PGM3: variants seen among roughly 807,000 people sequenced by gnomAD.
The protein encoded by PGM3 is phosphoacetylglucosamine mutase.
PGM3 carries 40 observed loss-of-function variants against 66.2 expected under a neutral mutation model. The ratio of observed to expected loss-of-function variants is 0.60; its 90% CI spans 0.47 to 0.79. The LOEUF is 0.79. Among genes scored for constraint, PGM3 ranks in the 30% least tolerant of loss-of-function variants. The probability of loss-of-function intolerance (pLI) is 0.00; values close to 1 mark genes in which losing one functional copy is unlikely to be tolerated. For synonymous variants in PGM3, 191 were observed against 224.2 expected, an observed-to-expected ratio of 0.85 and a Z score of 1.32; for missense variants, 537 against 643.4, an observed-to-expected ratio of 0.83 and a Z score of 1.79.
chr6:83,151,705 T>G, the PGM3 span: 2 of 1,547,724 alleles, frequency 1.3e-6, no homozygotes, highest in Non-Finnish European at 1.7e-6. Flanking sequence ...CTCAGTGCCC[T>G]CAATTTGAAA....
At position 83,169,262 on chromosome 6, in the gene PGM3, A is replaced by C; in HGVS notation, c.1601T>G (p.Ile534Ser). Reference protein sequence around the residue: ...SLAVFQLAGGIGERPQPGF With the variant: ...SLAVFQLAGGSGERPQPGF Reference sequence around the variant, plus strand: ...GAAACCTGGTTGGGGCCTTTCTCCAATTCCTCCAGCCAGCTGAAATACTGC... The same window carrying C: ...GAAACCTGGTTGGGGCCTTTCTCCACTTCCTCCAGCCAGCTGAAATACTGC... Residue 534 changes from isoleucine (I) to serine (S), a missense_variant, in exon 13 of 13, where the codon ATT (isoleucine) becomes AGT (serine). Transcript: ENST00000513973. The C allele has an allele frequency of 6.2e-7, 1 of 1,614,098 alleles. No individual in the cohort carries two copies. Among genetic ancestry groups the C allele is most frequent in the Non-Finnish European group, 8.5e-7 (1 of 1,179,958 alleles).
Position 83,165,876 on chromosome 6 carries a change from C to T in PGM3, c.*3358G>A. 2 of 382,166 alleles carry T rather than the reference C, an allele frequency of 5.2e-6. No individual in the cohort carries two copies. The highest frequency in any genetic ancestry group is 1.0e-5 in the Non-Finnish European group (2 of 191,276). 23.7% of individuals were successfully genotyped at this position (382,166 alleles called of 1,614,324 possible). A position where few individuals can be genotyped will look rare whatever the true frequency, so the allele number is the denominator to read the frequency against. ...TGGTGCATCTCATTGATTTGCTGAG[C>T]ATACTTATCAGATGTAATGGTTTCA... On this transcript the variant is annotated 3_prime_UTR_variant, in exon 13 of 13. Transcript: ENST00000513973.
rs1445490739 is a variant in PGM3 at position 83,165,882 on chromosome 6, T to A, written c.*3352A>T. 2.5e-6 allele frequency: 1 copy of A among 394,694 alleles called. No individual in the cohort carries two copies. Among genetic ancestry groups the A allele is most frequent in the Non-Finnish European group, 5.1e-6 (1 of 197,538 alleles). The allele number at this position is 394,694 out of a possible 1,614,324, so 24.4% of individuals were successfully genotyped here. A position where few individuals can be genotyped will look rare whatever the true frequency, so the allele number is the denominator to read the frequency against. ...ATCTCATTGATTTGCTGAGCATACT[T>A]ATCAGATGTAATGGTTTCACCTGGA... On this transcript the variant is annotated 3_prime_UTR_variant, in exon 13 of 13. Transcript: ENST00000513973.
intron 4 of PGM3, among the ~76,000 whole-genome samples, 190 bp from the exon 5 acceptor site, chr6:83,183,168 T>C (rs1788321997): frequency 6.6e-6 from 1 of 152,180 alleles, no homozygotes; most frequent in South Asian, 2.1e-4. Flanking sequence ...AATCATTACA[T>C]ATAAACAGGT....
chr6:83,174,381 A>C lies in PGM3; in HGVS notation c.1235T>G (p.Phe412Cys). ...TGCCCCATCAGTTCTGACCTGGTTA[A>C]ACAAGTCAATAATGTTTTCAAGCAT... ...AKMLENIIDL[F>C]NQAAGDAISD... The change falls in exon 10 of 13, where the codon TTT becomes TGT. Residue 412 changes from phenylalanine to cysteine, a missense_variant. Coordinates refer to ENST00000513973, the MANE Select transcript of PGM3 (RefSeq NM_015599.3). 1 of 1,558,854 alleles carries C rather than the reference A, an allele frequency of 6.4e-7. No homozygotes were observed.
chr6:83,187,133 G>A, intron 3 of PGM3, 58 bp from the exon 4 acceptor site: 3 of 1,116,224 alleles, frequency 2.7e-6, no homozygotes, highest in Admixed American at 3.9e-5. Flanking sequence ...AGGGTTGCTG[G>A]TTCTGCAAGC....
In PGM3 at chr6:83,168,754, T is replaced by A; in HGVS notation, c.*480A>T. The A allele has an allele frequency of 1.0e-6, 1 of 1,000,416 alleles. No individual in the cohort carries two copies. The highest frequency in any genetic ancestry group is 1.2e-6 in the Non-Finnish European group (1 of 838,364). The allele number at this position is 1,000,416 out of a possible 1,614,324, so 62.0% of individuals were successfully genotyped here. A position where few individuals can be genotyped will look rare whatever the true frequency, so the allele number is the denominator to read the frequency against. The stretch of plus-strand genomic sequence containing the variant: ...TGAGTTCCTGATGGCATTAGTCATA[T>A]AGGTAAGTCATCTAATAATCTTTCT... On this transcript the variant is annotated 3_prime_UTR_variant, in exon 13 of 13. Coordinates refer to ENST00000513973, the MANE Select transcript of PGM3 (RefSeq NM_015599.3).
chr6:83,153,560 G>A, the PGM3 span: 5 of 1,609,440 alleles, frequency 3.1e-6, no homozygotes, highest in East Asian at 2.2e-5. Flanking sequence ...GAAAAGGAGC[G>A]GGTTATTCCT....
Position 83,169,019 on chromosome 6 carries a change from G to C in PGM3, c.*215C>G, listed in dbSNP as rs1786487000. On this transcript the variant is annotated 3_prime_UTR_variant, in exon 13 of 13. Transcript: ENST00000513973. ...AAGTCCCAGTATTTTACATTAGTGAGACTGAAATTAGAGGTAAATTTCTTT... is the reference window on the plus strand; with the variant it reads ...AAGTCCCAGTATTTTACATTAGTGACACTGAAATTAGAGGTAAATTTCTTT... 1 of 1,350,340 alleles carries C rather than the reference G, an allele frequency of 7.4e-7. No individual in the cohort carries two copies. Among genetic ancestry groups the C allele is most frequent in the Non-Finnish European group, 9.5e-7 (1 of 1,050,260 alleles). 83.6% of individuals were successfully genotyped at this position (1,350,340 alleles called of 1,614,324 possible). A position where few individuals can be genotyped will look rare whatever the true frequency, so the allele number is the denominator to read the frequency against.
intron 6 of PGM3, among the ~76,000 whole-genome samples, chr6:83,181,002 C>T (rs1346983690): frequency 2.0e-5 from 3 of 152,224 alleles, no homozygotes; most frequent in Admixed American, 6.5e-5. Flanking sequence ...AGAGAAGTCA[C>T]GGAATTTTTA....
Position 83,174,450 on chromosome 6 carries a change from T to G in PGM3, c.1166A>C (p.Gln389Pro). Residue 389 changes from glutamine to proline, a missense_variant, in exon 10 of 13, where the codon CAA (glutamine) becomes CCA (proline). Coordinates refer to ENST00000513973, the MANE Select transcript of PGM3 (RefSeq NM_015599.3). ...CTTATCTTCCAGTTGTTCTGCTGAT[T>G]GTTTTATCTTCATTTCAACAGCTGT... ...FSTAVEMKIK[Q>P]SAEQLEDKKR... 1 of 1,604,906 alleles carries G rather than the reference T, an allele frequency of 6.2e-7. No homozygotes were observed. Among genetic ancestry groups the G allele is most frequent in the Non-Finnish European group, 8.5e-7 (1 of 1,174,456 alleles).
At position 83,178,699 on chromosome 6, in the gene PGM3, T is replaced by C. The variant is rs1787955099; in HGVS notation, c.1003A>G (p.Thr335Ala). ...VQTAYANGSS[T>A]RYLEEVMKVP... ...TTCATAACTTCTTCAAGATACCGTG[T>C]TGAACTTCCATTTGCATATGCAGTT... The change falls in exon 8 of 13, where the codon ACA (threonine) becomes GCA (alanine). Residue 335 changes from threonine to alanine, a missense_variant. Thr to Ala is a moderately conservative substitution (Grantham distance 58). Coordinates refer to ENST00000513973, the MANE Select transcript of PGM3 (RefSeq NM_015599.3). 11 of 1,605,222 alleles carry C rather than the reference T, an allele frequency of 6.9e-6. No homozygotes were observed. Among genetic ancestry groups the C allele is most frequent in the East Asian group, 2.2e-5 (1 of 44,758 alleles).
chr6:83,184,398 TATA>T (rs1384619485), intron 4 of PGM3, among the ~76,000 whole-genome samples: 3 of 152,174 alleles, frequency 2.0e-5, no homozygotes, highest in Admixed American at 2.0e-4. Flanking sequence ...TTAGCTCTGG[TATA>T]ATGATGAGAT....
chr6:83,183,746 G>C (rs980510245), intron 4 of PGM3, among the ~76,000 whole-genome samples: 2 of 150,996 alleles, frequency 1.3e-5, no homozygotes, highest in African/African-American at 4.9e-5. Flanking sequence ...TTTTTTTTGA[G>C]ACGGAGTTTC....
chr6:83,158,488 A>G, downstream of PGM3: 2 of 1,130,236 alleles, frequency 1.8e-6, no homozygotes, highest in Non-Finnish European at 2.6e-6. Context: ...TTTTGCGTTA[A>G]TGAAAATACA....
chr6:83,149,981 T>C, the PGM3 span, among the ~76,000 whole-genome samples: 1 of 152,130 alleles, frequency 6.6e-6, no homozygotes, highest in Non-Finnish European at 1.5e-5. Flanking sequence ...TCTGATGATT[T>C]TGGAGAGAGG....
chr6:83,183,077 T>C, intron 4 of PGM3, 99 bp from the exon 5 acceptor site: 1 of 1,085,406 alleles, frequency 9.2e-7, no homozygotes, highest in Middle Eastern at 2.1e-4. Context: ...GACAAATCCT[T>C]TTGTGTCATC....
At chr6:83,163,996 T>C (rs1562391222), downstream of PGM3, among the ~76,000 whole-genome samples, 1 of 151,560 alleles carries the variant, frequency 6.6e-6, no homozygotes, top group South Asian at 2.1e-4. Flanking sequence ...ATGCTCACCA[T>C]TGGGCCTTTG....
chr6:83,181,662 C>T, intron 6 of PGM3, 74 bp downstream of exon 6: 2 of 1,001,550 alleles, frequency 2.0e-6, no homozygotes, highest in Non-Finnish European at 3.0e-6. Context: ...ACTCACTTTA[C>T]CACCTTAGTT....
Sources: allele counts gnomAD v4.1 joint callset (sites outside exome capture counted in the v4.1 genomes callset), GRCh38; gene constraint gnomAD v4.1.1; transcripts MANE v1.5; gene names NCBI Gene and HGNC (gene_info 2026-07-23, HGNC 2026-07-21).